Variants in CNNM2 observed in about 807,000 individuals in gnomAD.
CNNM2 encodes the protein metal transporter CNNM2.
Under a neutral mutation model 66.9 loss-of-function variants are expected in CNNM2, and 12 were observed. That is an observed-to-expected ratio of 0.18 (90% CI 0.11 to 0.29). CNNM2 has a LOEUF of 0.29. Among genes scored for constraint, CNNM2 ranks in the 10% least tolerant of loss-of-function variants. The probability of loss-of-function intolerance (pLI) is 1.00; values close to 1 mark genes in which losing one functional copy is unlikely to be tolerated. For synonymous variants in CNNM2, 557 were observed against 501.8 expected (o/e 1.11, Z -1.47); for missense variants, 705 against 1,167.7 (o/e 0.60, Z 5.77).
At chr10:103,072,960 A>G (rs1161494764) in intron 6 of CNNM2, among the ~76,000 whole-genome samples, 2 of 152,236 alleles carry the variant, frequency 1.3e-5, no homozygotes, top group Non-Finnish European at 2.9e-5. Flanking sequence ...CCAGAATTCA[A>G]ACATCTCTCT....
intron 1 of CNNM2, among the ~76,000 whole-genome samples, chr10:103,038,589 C>A (rs2064984193): frequency 6.6e-6 from 1 of 152,156 alleles, no homozygotes; most frequent in Admixed American, 6.5e-5. Context: ...TAAACCTCTA[C>A]CCTCACCAAA....
rs758115800 is a variant in CNNM2, at chr10:102,920,020, A to G, written c.1540A>G (p.Ile514Val). 1 of 1,614,234 alleles carries G rather than the reference A, an allele frequency of 6.2e-7. No homozygotes were observed. Among genetic ancestry groups the G allele is most frequent in the South Asian group, 1.1e-5 (1 of 91,088 alleles). Residue 514 changes from isoleucine (I) to valine (V), a missense_variant, in exon 1 of 8, where the codon ATC becomes GTC. By Grantham distance (29) the Ile-to-Val change is conservative. Transcript: ENST00000369878. ...CGATGACTGTACCCCCCTGAAAACC[A>G]TCACCAAATTTTATAACCACCCCTT... is the stretch of plus-strand genomic sequence containing the variant. ...DPDDCTPLKT[I>V]TKFYNHPLHF...
At chr10:103,036,333 G>T (rs2064938281) in intron 1 of CNNM2, among the ~76,000 whole-genome samples, 2 of 152,244 alleles carry the variant, frequency 1.3e-5, no homozygotes, top group South Asian at 4.1e-4. Flanking sequence ...AAGTCTTAAG[G>T]CCCGGCTTTT....
At chr10:102,931,785 C>A (rs1432804259) in intron 1 of CNNM2, among the ~76,000 whole-genome samples, 2 of 151,452 alleles carry the variant, frequency 1.3e-5, no homozygotes, top group Non-Finnish European at 2.9e-5. Flanking sequence ...ATTTGACATT[C>A]CCATGAATAA....
rs977046091 is a variant in CNNM2, at chr10:103,081,005, T to C, written c.*3825T>C. The C allele has an allele frequency of 6.6e-6, 1 of 152,174 alleles. No homozygotes were observed. The highest frequency in any genetic ancestry group is 1.5e-5 in the Non-Finnish European group (1 of 68,026). 9.4% of individuals were successfully genotyped at this position (152,174 alleles called of 1,614,324 possible). ...TGCCTAGGCCCAGGAAGGTGAGGTC[T>C]CCTGGGCAACCAGAGTTGCCCCTGT... On this transcript the variant is annotated 3_prime_UTR_variant, in exon 8 of 8. Coordinates refer to ENST00000369878, the MANE Select transcript of CNNM2 (RefSeq NM_017649.5).
At chr10:102,925,049 C>T (rs1334142210) in intron 1 of CNNM2, among the ~76,000 whole-genome samples, 1 of 151,928 alleles carries the variant, frequency 6.6e-6, no homozygotes, top group Non-Finnish European at 1.5e-5. Context: ...GTAATCCAGG[C>T]ACTTTGGGAG....
intron 2 of CNNM2, among the ~76,000 whole-genome samples, chr10:103,052,807 G>A (rs1372687529): frequency 6.6e-6 from 1 of 152,160 alleles, no homozygotes; most frequent in South Asian, 2.1e-4. Flanking sequence ...ACCGTGCCTG[G>A]CCGATTTCAG....
intron 1 of CNNM2, among the ~76,000 whole-genome samples, chr10:103,045,353 C>T (rs1306999619): frequency 6.6e-6 from 1 of 152,132 alleles, no homozygotes; most frequent in African/African-American, 2.4e-5. Context: ...ATCTAAACTT[C>T]TAGGCTTGTA....
At chr10:102,976,733 G>T (rs946318230) in intron 1 of CNNM2, among the ~76,000 whole-genome samples, 1 of 148,390 alleles carries the variant, frequency 6.7e-6, no homozygotes, top group Non-Finnish European at 1.5e-5. Flanking sequence ...CTCCCAAAGT[G>T]CTGGGATTAC....
intron 1 of CNNM2, among the ~76,000 whole-genome samples, chr10:102,999,056 AT>A (rs2064059765): frequency 6.8e-6 from 1 of 147,690 alleles, no homozygotes; most frequent in Non-Finnish European, 1.5e-5. Flanking sequence ...AGGCAAAAAA[AT>A]CGCTTATATT....
At chr10:102,929,113 A>G (rs1311734075) in intron 1 of CNNM2, among the ~76,000 whole-genome samples, 3 of 151,872 alleles carry the variant, frequency 2.0e-5, no homozygotes, top group Non-Finnish European at 4.4e-5. Flanking sequence ...TACAAAAATT[A>G]GCCGGGCGTG....
chr10:102,959,093 C>G (rs1307885280), intron 1 of CNNM2, among the ~76,000 whole-genome samples: 1 of 151,958 alleles, frequency 6.6e-6, no homozygotes, highest in Non-Finnish European at 1.5e-5. Context: ...GATCACCACA[C>G]CTGGCTAATT....
chr10:102,953,581 A>G (rs1164051871), intron 1 of CNNM2, among the ~76,000 whole-genome samples: 1 of 145,020 alleles, frequency 6.9e-6, no homozygotes, highest in African/African-American at 2.6e-5. Context: ...ATTTTTAAAG[A>G]TGAGATCTCA....
chr10:103,053,239 G>A (rs1024631503), intron 2 of CNNM2, among the ~76,000 whole-genome samples: 4 of 152,336 alleles, frequency 2.6e-5, no homozygotes, highest in African/African-American at 4.8e-5. Flanking sequence ...AAATGGCTAA[G>A]CATGGTGGCT....
chr10:103,031,863 C>T (rs1462764075), intron 1 of CNNM2, among the ~76,000 whole-genome samples: 1 of 152,168 alleles, frequency 6.6e-6, no homozygotes, highest in Admixed American at 6.5e-5. Context: ...GGGATTTATC[C>T]CGTTGATTTC....
At chr10:103,061,195 C>A (rs1447046953) in intron 4 of CNNM2, among the ~76,000 whole-genome samples, 1 of 152,046 alleles carries the variant, frequency 6.6e-6, no homozygotes. Context: ...GAGTTTGAGA[C>A]CAGCCTGGCC....
chr10:102,954,121 CTTTTCT>C (rs1200478024), intron 1 of CNNM2, among the ~76,000 whole-genome samples: 9 of 129,404 alleles, frequency 7.0e-5, no homozygotes, highest in Middle Eastern at 4.2e-3. Flanking sequence ...CTTTTCTTTT[CTTTTCT>C]TTTTTTTTTT....
At chr10:102,942,677 A>G (rs148118260) in intron 1 of CNNM2, among the ~76,000 whole-genome samples, 6 of 152,360 alleles carry the variant, frequency 3.9e-5, no homozygotes, top group Middle Eastern at 3.4e-3. Context: ...ATATATAACC[A>G]GAAGTGGAAT....
intron 1 of CNNM2, among the ~76,000 whole-genome samples, chr10:102,959,273 C>T (rs1162504481): frequency 2.6e-5 from 4 of 152,148 alleles, no homozygotes; most frequent in Non-Finnish European, 5.9e-5. Flanking sequence ...TATAACTACA[C>T]GTGAAAAGTG....
Sources: allele counts gnomAD v4.1 joint callset (sites outside exome capture counted in the v4.1 genomes callset), GRCh38; gene constraint gnomAD v4.1.1; transcripts MANE v1.5; gene names NCBI Gene and HGNC (gene_info 2026-07-23, HGNC 2026-07-21).